Variants in TMEM51 observed in about 807,000 individuals in gnomAD.
TMEM51 encodes chromosome 1 open reading frame 72.
TMEM51 carries 8 observed loss-of-function variants against 13.6 expected under a neutral mutation model. That is an observed-to-expected ratio of 0.59 (90% CI 0.35 to 1.07). The LOEUF is 1.07. Ranked by LOEUF, TMEM51 falls within the 50% of genes least tolerant of loss-of-function variation. TMEM51 has a pLI of 0.02. For synonymous variants in TMEM51, 147 were observed against 144.4 expected, an observed-to-expected ratio of 1.02 and a Z score of -0.13; for missense variants, 279 against 330.7, an observed-to-expected ratio of 0.84 and a Z score of 1.21.
chr1:15,220,033 G>A lies in TMEM51; in HGVS notation c.*290G>A, dbSNP rs1036613415. On this transcript the variant is annotated 3_prime_UTR_variant, in exon 4 of 4. Transcript: ENST00000376008. Reference sequence around the variant, plus strand: ...CTTCCCATCCTTTTCACTCCGAATCGCTGGCGACACATTCTCCTTTCCAGC... The same window carrying A: ...CTTCCCATCCTTTTCACTCCGAATCACTGGCGACACATTCTCCTTTCCAGC... 1.5e-5 allele frequency: 6 copies of A among 395,896 alleles called. No individual in the cohort carries two copies. Among genetic ancestry groups the A allele is most frequent in the Non-Finnish European group, 1.8e-5 (4 of 220,352 alleles). The allele number at this position is 395,896 out of a possible 1,614,324, so 24.5% of individuals were successfully genotyped here.
intron 1 of TMEM51, among the ~76,000 whole-genome samples, chr1:15,204,579 G>T (rs1368311430): frequency 6.6e-6 from 1 of 152,168 alleles, no homozygotes; most frequent in Admixed American, 6.5e-5. Context: ...TGCCTTGGTG[G>T]AAAGGCTGGC....
intron 1 of TMEM51, chr1:15,171,115 A>G: frequency 2.3e-6 from 1 of 428,152 alleles, no homozygotes; most frequent in Non-Finnish European, 3.5e-6. Flanking sequence ...ACCCCCCGCC[A>G]CATCCCCCAC....
At chr1:15,188,973 G>C (rs1156445556) in intron 1 of TMEM51, among the ~76,000 whole-genome samples, 1 of 152,124 alleles carries the variant, frequency 6.6e-6, no homozygotes, top group Non-Finnish European at 1.5e-5. Flanking sequence ...ACCCTTACTG[G>C]GCAGTACCAT....
intron 1 of TMEM51, among the ~76,000 whole-genome samples, chr1:15,159,450 G>T (rs1418367017): frequency 6.6e-6 from 1 of 152,182 alleles, no homozygotes; most frequent in East Asian, 1.9e-4. Flanking sequence ...TGTCGCTCTC[G>T]TGCCAACAAC....
At chr1:15,176,467 G>A (rs1030601667) in intron 1 of TMEM51, among the ~76,000 whole-genome samples, 2 of 152,172 alleles carry the variant, frequency 1.3e-5, no homozygotes, top group Non-Finnish European at 2.9e-5. Flanking sequence ...GAGGCTTCTG[G>A]AAGAAAGGGG....
At chr1:15,179,901 A>T (rs1397479650) in intron 1 of TMEM51, among the ~76,000 whole-genome samples, 1 of 152,264 alleles carries the variant, frequency 6.6e-6, no homozygotes, top group Non-Finnish European at 1.5e-5. Flanking sequence ...TTCTGGGATC[A>T]TGGAAATGTC....
chr1:15,215,395 C>G lies in TMEM51; in HGVS notation c.308C>G (p.Pro103Arg), dbSNP rs755982717. 2.4e-5 allele frequency: 39 copies of G among 1,608,746 alleles called. No individual in the cohort carries two copies. The highest frequency in any genetic ancestry group is 3.0e-5 in the Non-Finnish European group (35 of 1,179,030). Residue 103 changes from proline (P) to arginine (R), a missense_variant, in exon 3 of 4, where the codon CCG (proline) becomes CGG (arginine). Pro to Arg is a moderately radical substitution (Grantham distance 103). Transcript: ENST00000376008. ...QGEDLAHVQH[P>R]TGAGPHAQEE... ...GAGGACCTGGCCCATGTCCAGCACC[C>G]GACAGGCGCTGGGCCTCACGCCCAG...
intron 1 of TMEM51, among the ~76,000 whole-genome samples, chr1:15,194,396 T>C (rs1409421350): frequency 2.6e-5 from 4 of 152,156 alleles, no homozygotes; most frequent in African/African-American, 9.7e-5. Context: ...TGGGTGTGAT[T>C]GTCATTGGGT....
At chr1:15,156,935 G>C (rs1642610977) in intron 1 of TMEM51, among the ~76,000 whole-genome samples, 1 of 152,148 alleles carries the variant, frequency 6.6e-6, no homozygotes, top group Non-Finnish European at 1.5e-5. Flanking sequence ...GCTTCATAGA[G>C]TTGAGCTCCT....
intron 1 of TMEM51, among the ~76,000 whole-genome samples, chr1:15,197,289 CTG>C (rs1644069050): frequency 6.6e-6 from 1 of 152,158 alleles, no homozygotes; most frequent in Non-Finnish European, 1.5e-5. Flanking sequence ...GTCATATGGA[CTG>C]AGAATGGGGA....
intron 1 of TMEM51, among the ~76,000 whole-genome samples, chr1:15,202,098 G>A (rs920686484): frequency 1.3e-5 from 2 of 152,218 alleles, no homozygotes; most frequent in Admixed American, 6.5e-5. Context: ...TATCAAGTTT[G>A]TTGGTCCCAG....
intron 1 of TMEM51, among the ~76,000 whole-genome samples, chr1:15,172,157 G>A (rs887108784): frequency 3.3e-5 from 5 of 152,074 alleles, no homozygotes; most frequent in African/African-American, 1.2e-4. Flanking sequence ...CAGGTGGATC[G>A]CTTGAGCCCA....
chr1:15,155,812 C>T lies in TMEM51; in HGVS notation c.-267+1858C>T, dbSNP rs540467251. On this transcript the variant is annotated intron_variant, in intron 1 of 3. Coordinates refer to ENST00000376008, the MANE Select transcript of TMEM51 (RefSeq NM_001136218.2). ...GGCCGAGCACCTTCTGTGGGCCAGG[C>T]GCTGTTCTAGGTGCTCAACAAAGAT... Among the ~76,000 whole-genome samples the T allele has an allele frequency of 6.6e-5, 10 of 152,218 alleles. No homozygotes were observed. In the East Asian group the frequency reaches 1.2e-3, roughly 18 times the overall value.
At chr1:15,160,531 C>T (rs929040180) in intron 1 of TMEM51, among the ~76,000 whole-genome samples, 5 of 152,038 alleles carry the variant, frequency 3.3e-5, no homozygotes, top group Admixed American at 3.3e-4. Context: ...GCCTCAGCCT[C>T]TCAAAGTGCT....
Position 15,175,348 on chromosome 1 carries a change from C to T in TMEM51, c.-267+21394C>T, listed in dbSNP as rs556999740. 3.5e-3 allele frequency among the ~76,000 whole-genome samples: 535 copies of T among 152,110 alleles called. 5 individuals carry two copies. The highest frequency in any genetic ancestry group is 4.0e-3 in the Non-Finnish European group (272 of 67,994). ...CTGGGAGGCAGAGGTTGCAGTGAGC[C>T]GAGACCATACCACTGCACTCCAGTC... On this transcript the variant is annotated intron_variant, in intron 1 of 3. Transcript: ENST00000376008.
chr1:15,160,562 C>A (rs1642742820), intron 1 of TMEM51, among the ~76,000 whole-genome samples: 1 of 152,054 alleles, frequency 6.6e-6, no homozygotes, highest in African/African-American at 2.4e-5. Flanking sequence ...GCGTGAGCCA[C>A]CACACCCAGC....
chr1:15,207,524 T>A lies in TMEM51; in HGVS notation c.-266-2966T>A, dbSNP rs1382539956. The stretch of plus-strand genomic sequence containing the variant: ...AGTTCATGGAGACTCAATCCAGATG[T>A]GCCTGGCTGTGATGGCCCCACTCAG... On this transcript the variant is annotated intron_variant, in intron 1 of 3. Coordinates refer to ENST00000376008, the MANE Select transcript of TMEM51 (RefSeq NM_001136218.2). The surrounding 1 kb of genome is among the most constrained non-coding windows in gnomAD (Gnocchi z 4.6). 6.6e-6 allele frequency among the ~76,000 whole-genome samples: 1 copy of A among 152,230 alleles called. No individual in the cohort carries two copies. Among genetic ancestry groups the A allele is most frequent in the Non-Finnish European group, 1.5e-5 (1 of 68,044 alleles).
rs373254831 is a variant in TMEM51 at position 15,216,124 on chromosome 1, C to T, written c.344+693C>T. 1.4e-4 allele frequency among the ~76,000 whole-genome samples: 22 copies of T among 152,142 alleles called. 1 individual carries two copies. Among genetic ancestry groups the T allele is most frequent in the African/African-American group, 2.9e-4 (12 of 41,424 alleles). On this transcript the variant is annotated intron_variant, in intron 3 of 3. Coordinates refer to ENST00000376008, the MANE Select transcript of TMEM51 (RefSeq NM_001136218.2). Reference sequence around the variant, plus strand: ...TCTTAAGTGAACCAGCATTTTGACCCGCCCAGGGTCACTGAACAGGGCCTG... The same window carrying T: ...TCTTAAGTGAACCAGCATTTTGACCTGCCCAGGGTCACTGAACAGGGCCTG...
At chr1:15,190,712 C>T (rs991810744) in intron 1 of TMEM51, among the ~76,000 whole-genome samples, 2 of 152,100 alleles carry the variant, frequency 1.3e-5, no homozygotes, top group African/African-American at 4.8e-5. Flanking sequence ...GAACATGATC[C>T]CAGGTTATCC....
Sources: gnomAD v4.1 joint callset for allele counts (sites outside exome capture counted in the v4.1 genomes callset) on GRCh38, gnomAD v4.1.1 for gene constraint, Gnocchi (gnomAD v3.1) non-coding constraint, MANE v1.5 for transcripts, NCBI Gene and HGNC (gene_info 2026-07-23, HGNC 2026-07-21) for gene names.